ADGRL2: variants seen among roughly 807,000 people sequenced by gnomAD.
ADGRL2 encodes the protein calcium-independent alpha-latrotoxin receptor 2.
In ADGRL2, 44 loss-of-function variants were observed where a neutral mutation model predicts 157.4. The ratio of observed to expected loss-of-function variants is 0.28; its 90% CI spans 0.22 to 0.36. ADGRL2 has a LOEUF of 0.36. ADGRL2 is among the 10% of genes least tolerant of loss of function. The pLI is 1.00. For missense variants in ADGRL2, 1,510 were observed against 1,768.9 expected (o/e 0.85, Z 2.63); for synonymous variants, 585 against 624.7 (o/e 0.94, Z 0.95).
At chr1:81,356,797 CA>C (rs1239986160) in intron 1 of ADGRL2, among the ~76,000 whole-genome samples, 2 of 151,670 alleles carry the variant, frequency 1.3e-5, no homozygotes, top group African/African-American at 4.8e-5. Flanking sequence ...ACTAAAAATA[CA>C]AAAAATTAGC....
At chr1:81,619,634 G>C (rs554650321) in intron 3 of ADGRL2, among the ~76,000 whole-genome samples, 1 of 129,610 alleles carries the variant, frequency 7.7e-6, no homozygotes, top group East Asian at 2.2e-4. Context: ...ATCCTCATGA[G>C]AGGATGAAAT....
intron 2 of ADGRL2, among the ~76,000 whole-genome samples, chr1:81,554,609 G>C (rs6665655): frequency 0.78 from 118,009 of 152,054 alleles, 46,031 homozygotes; most frequent in East Asian, 0.89. Flanking sequence ...ACTAATAACC[G>C]CTTTGCAAGA....
At chr1:81,634,329 T>C (rs1024186461) in intron 3 of ADGRL2, among the ~76,000 whole-genome samples, 3 of 152,070 alleles carry the variant, frequency 2.0e-5, no homozygotes, top group Admixed American at 1.3e-4. Flanking sequence ...ACAGTGATCT[T>C]TCCGAAGCTT....
chr1:81,941,996 A>C, intron 4 of ADGRL2, 38 bp from the exon 5 acceptor site: 1 of 763,096 alleles, frequency 1.3e-6, no homozygotes, highest in Non-Finnish European at 2.4e-6. Context: ...TTTTCCTTGC[A>C]CCTTTTTTAT....
intron 1 of ADGRL2, among the ~76,000 whole-genome samples, chr1:81,437,317 G>A (rs965737486): frequency 6.6e-6 from 1 of 152,048 alleles, no homozygotes; most frequent in Non-Finnish European, 1.5e-5. Context: ...TTTTACACTA[G>A]GCAAACAGCA....
chr1:81,618,481 A>G (rs1050164900), intron 3 of ADGRL2, among the ~76,000 whole-genome samples: 5 of 152,242 alleles, frequency 3.3e-5, no homozygotes, highest in Non-Finnish European at 4.4e-5. Flanking sequence ...TTTTAAAGGC[A>G]GAAAGGGGAC....
intron 2 of ADGRL2, among the ~76,000 whole-genome samples, chr1:81,888,982 T>C (rs2151382970): frequency 6.6e-6 from 1 of 152,284 alleles, no homozygotes; most frequent in African/African-American, 2.4e-5. Context: ...CCATGAATCA[T>C]GCCCATTCCA....
rs17107384 is a variant in ADGRL2 at position 81,876,966 on chromosome 1, C to T, written c.74-30051C>T. Among the ~76,000 whole-genome samples, 1,233 of 152,202 alleles carry T rather than the reference C, an allele frequency of 8.1e-3. 17 individuals are homozygous for T. Among genetic ancestry groups the T allele is most frequent in the African/African-American group, 0.028 (1,166 of 41,558 alleles). On this transcript the variant is annotated intron_variant, in intron 2 of 23. Transcript: ENST00000686636. Reference sequence around the variant, plus strand: ...AGTGGAATTCAAAGTAGATCAAATTCCTTCCCTGAGCCAGGATTCTCTGAG... The same window carrying T: ...AGTGGAATTCAAAGTAGATCAAATTTCTTCCCTGAGCCAGGATTCTCTGAG...
At chr1:81,363,279 C>T (rs1371492965) in intron 1 of ADGRL2, among the ~76,000 whole-genome samples, 1 of 152,008 alleles carries the variant, frequency 6.6e-6, no homozygotes, top group Non-Finnish European at 1.5e-5. Context: ...CAGCAATTCC[C>T]TAGCTACAGT....
intron 1 of ADGRL2, among the ~76,000 whole-genome samples, chr1:81,718,867 G>A (rs1211459382): frequency 6.6e-6 from 1 of 152,198 alleles, no homozygotes; most frequent in Non-Finnish European, 1.5e-5. Context: ...CTAGCAGGAG[G>A]TGTTATTAAA....
At chr1:81,409,525 T>G (rs2076914048) in intron 1 of ADGRL2, among the ~76,000 whole-genome samples, 1 of 152,190 alleles carries the variant, frequency 6.6e-6, no homozygotes, top group Non-Finnish European at 1.5e-5. Flanking sequence ...AATAACAAGC[T>G]TGGAGGCTGA....
chr1:81,306,464 CT>C (rs924060678), exon 1 of ADGRL2: 146 of 146,290 alleles, frequency 1.0e-3, no homozygotes, highest in Non-Finnish European at 1.3e-3. Context: ...TTACTTACAA[CT>C]TTTTTTTTTT....
chr1:81,855,484 G>C (rs1482876930), intron 2 of ADGRL2, among the ~76,000 whole-genome samples: 1 of 151,898 alleles, frequency 6.6e-6, no homozygotes, highest in Non-Finnish European at 1.5e-5. Context: ...AAGTCGGCAG[G>C]TGCTATTCAG....
At chr1:81,901,143 G>A (rs1279508630) in intron 2 of ADGRL2, among the ~76,000 whole-genome samples, 1 of 152,070 alleles carries the variant, frequency 6.6e-6, no homozygotes, top group Non-Finnish European at 1.5e-5. Context: ...GATACATAAA[G>A]AAACAGAAAA....
At chr1:81,811,567 G>T (rs2149672858) in intron 1 of ADGRL2, among the ~76,000 whole-genome samples, 1 of 151,496 alleles carries the variant, frequency 6.6e-6, no homozygotes, top group South Asian at 2.1e-4. Context: ...GTATACTTGT[G>T]GAAAGGAATA....
intron 1 of ADGRL2, among the ~76,000 whole-genome samples, chr1:81,747,293 G>GTA (rs1183759275): frequency 4.8e-4 from 69 of 144,742 alleles, no homozygotes; most frequent in African/African-American, 6.4e-4. Flanking sequence ...GCATACATGT[G>GTA]TATATATATA....
At chr1:81,905,556 C>A (rs1359891392) in intron 2 of ADGRL2, among the ~76,000 whole-genome samples, 1 of 152,206 alleles carries the variant, frequency 6.6e-6, no homozygotes, top group South Asian at 2.1e-4. Flanking sequence ...AAACTAACAA[C>A]AACAACAGTT....
chr1:81,773,120 G>A (rs35895134), intron 2 of ADGRL2, among the ~76,000 whole-genome samples: 9,703 of 152,134 alleles, frequency 0.064, 330 homozygotes, highest in South Asian at 0.12. Context: ...TTTTAAACTG[G>A]AATTGTGGAA....
At chr1:81,560,282 G>A (rs988409918) in intron 2 of ADGRL2, among the ~76,000 whole-genome samples, 1 of 152,206 alleles carries the variant, frequency 6.6e-6, no homozygotes, top group Non-Finnish European at 1.5e-5. Flanking sequence ...GATTTCAAGT[G>A]TTGGTTCTGT....
Sources: allele counts gnomAD v4.1 joint callset (sites outside exome capture counted in the v4.1 genomes callset), GRCh38; gene constraint gnomAD v4.1.1; transcripts MANE v1.5; gene names NCBI Gene and HGNC (gene_info 2026-07-23, HGNC 2026-07-21).